Variants in CNTN4 observed in about 807,000 individuals in gnomAD.
The protein encoded by CNTN4 is contactin-4.
Under a neutral mutation model 122.5 loss-of-function variants are expected in CNTN4, and 77 were observed. The observed-to-expected ratio is 0.63, with a 90% confidence interval of 0.52 to 0.76. The LOEUF (loss-of-function observed/expected upper bound fraction) is 0.76, where lower values mean the gene tolerates loss of function less well. CNTN4 is among the 30% of genes least tolerant of loss of function. CNTN4 has a pLI of 0.00. For synonymous variants in CNTN4, 512 were observed against 447.0 expected (o/e 1.15, Z -1.83); for missense variants, 1,256 against 1,259.1 (o/e 1.00, Z 0.04).
At chr3:2,830,885 G>A (rs2093089628) in intron 7 of CNTN4, among the ~76,000 whole-genome samples, 2 of 152,156 alleles carry the variant, frequency 1.3e-5, no homozygotes, top group African/African-American at 4.8e-5. Context: ...TAATGATGCA[G>A]TACATAGAAT....
intron 6 of CNTN4, among the ~76,000 whole-genome samples, chr3:2,792,839 A>G (rs968661938): frequency 6.6e-6 from 1 of 152,240 alleles, no homozygotes; most frequent in African/African-American, 2.4e-5. Flanking sequence ...ATTTTATATA[A>G]GATGTATTTA....
chr3:2,802,815 T>C (rs2150071772), intron 6 of CNTN4, among the ~76,000 whole-genome samples: 1 of 152,242 alleles, frequency 6.6e-6, no homozygotes, highest in South Asian at 2.1e-4. Flanking sequence ...AGAACACAAA[T>C]TGTCTTAAAT....
chr3:2,607,177 C>T (rs2081292887), intron 4 of CNTN4, among the ~76,000 whole-genome samples: 1 of 152,136 alleles, frequency 6.6e-6, no homozygotes, highest in Non-Finnish European at 1.5e-5. Flanking sequence ...TAGAAACTGT[C>T]ACGTGAATAA....
chr3:2,463,765 A>T (rs2075401664), intron 3 of CNTN4, among the ~76,000 whole-genome samples: 1 of 152,154 alleles, frequency 6.6e-6, no homozygotes, highest in Admixed American at 6.6e-5. Flanking sequence ...TCTCAAAAAA[A>T]ATAAATAAAA....
intron 3 of CNTN4, among the ~76,000 whole-genome samples, chr3:2,543,302 C>G (rs896685977): frequency 6.6e-6 from 1 of 152,114 alleles, no homozygotes; most frequent in African/African-American, 2.4e-5. Context: ...ACTTAAAGCA[C>G]TCAGATTCAG....
At chr3:2,683,248 A>G (rs2085256111) in intron 4 of CNTN4, among the ~76,000 whole-genome samples, 1 of 152,076 alleles carries the variant, frequency 6.6e-6, no homozygotes, top group African/African-American at 2.4e-5. Context: ...AAGTAAAGAT[A>G]AGGCTGCTGA....
chr3:2,518,322 A>G (rs767174868), intron 3 of CNTN4, among the ~76,000 whole-genome samples: 4 of 152,290 alleles, frequency 2.6e-5, no homozygotes, highest in South Asian at 2.1e-4. Context: ...TACGTTGATT[A>G]TAATAGGATT....
intron 2 of CNTN4, among the ~76,000 whole-genome samples, chr3:2,191,883 C>G (rs1393180983): frequency 6.6e-6 from 1 of 152,006 alleles, no homozygotes; most frequent in Non-Finnish European, 1.5e-5. Flanking sequence ...TCCCCCCTCC[C>G]CCCACTCCAC....
chr3:2,729,372 G>A (rs1419043322), intron 4 of CNTN4, among the ~76,000 whole-genome samples: 4 of 148,988 alleles, frequency 2.7e-5, no homozygotes, highest in Admixed American at 6.6e-5. Context: ...AGACCATCCC[G>A]GCTAACACAA....
At chr3:2,351,387 A>G (rs780001534) in intron 3 of CNTN4, among the ~76,000 whole-genome samples, 2 of 152,212 alleles carry the variant, frequency 1.3e-5, no homozygotes, top group Non-Finnish European at 2.9e-5. Context: ...TTCAGCATGC[A>G]GAAGGAGAGA....
At chr3:2,982,328 A>G (rs1490545841) in intron 13 of CNTN4, among the ~76,000 whole-genome samples, 1 of 152,114 alleles carries the variant, frequency 6.6e-6, no homozygotes, top group African/African-American at 2.4e-5. Context: ...AAGTTCAGCA[A>G]TTTCTTGGAA....
chr3:2,268,472 C>T (rs530102479), intron 2 of CNTN4, among the ~76,000 whole-genome samples: 23 of 151,046 alleles, frequency 1.5e-4, no homozygotes, highest in African/African-American at 4.7e-4. Context: ...TTTTAAGCTC[C>T]TTGGGAGCAG....
chr3:2,757,961 A>G (rs2090413557), intron 6 of CNTN4, among the ~76,000 whole-genome samples: 1 of 152,232 alleles, frequency 6.6e-6, no homozygotes, highest in African/African-American at 2.4e-5. Context: ...GCTCCTAAAT[A>G]CTTGCATTGT....
At chr3:2,220,428 A>G (rs943652929) in intron 2 of CNTN4, among the ~76,000 whole-genome samples, 4 of 152,150 alleles carry the variant, frequency 2.6e-5, no homozygotes, top group African/African-American at 9.7e-5. Context: ...ACATTAAATG[A>G]GTAAGTTTCT....
At chr3:2,621,815 C>A (rs1055964061) in intron 4 of CNTN4, among the ~76,000 whole-genome samples, 3 of 151,976 alleles carry the variant, frequency 2.0e-5, no homozygotes, top group Admixed American at 6.6e-5. Context: ...TTGTGAGACT[C>A]TCAAGCAGGT....
intron 5 of CNTN4, among the ~76,000 whole-genome samples, chr3:2,742,984 G>A (rs1356959003): frequency 2.0e-5 from 3 of 152,016 alleles, no homozygotes; most frequent in Non-Finnish European, 2.9e-5. Context: ...ATCCCTTTTC[G>A]TTTGCTATTT....
intron 13 of CNTN4, among the ~76,000 whole-genome samples, chr3:2,954,995 G>A (rs1226143710): frequency 6.6e-6 from 1 of 152,104 alleles, no homozygotes; most frequent in East Asian, 1.9e-4. Flanking sequence ...AGAATATTTT[G>A]AAGGAAGAAA....
At chr3:2,661,893 A>T (rs1343629700) in intron 4 of CNTN4, among the ~76,000 whole-genome samples, 1 of 152,064 alleles carries the variant, frequency 6.6e-6, no homozygotes, top group Non-Finnish European at 1.5e-5. Flanking sequence ...ACCCGTAATA[A>T]ATGTTTTTTA....
intron 3 of CNTN4, among the ~76,000 whole-genome samples, chr3:2,467,133 GT>G (rs368919706): frequency 0.028 from 3,723 of 131,364 alleles, 90 homozygotes; most frequent in African/African-American, 0.083. Flanking sequence ...AAAATTATGG[GT>G]TTTTTTTTTT....
Sources: gnomAD v4.1 joint callset for allele counts (sites outside exome capture counted in the v4.1 genomes callset) on GRCh38, gnomAD v4.1.1 for gene constraint, MANE v1.5 for transcripts, NCBI Gene and HGNC (gene_info 2026-07-23, HGNC 2026-07-21) for gene names.